FGF12: variants seen among roughly 807,000 people sequenced by gnomAD.
The protein encoded by FGF12 is fibroblast growth factor 12B.
FGF12 carries 14 observed loss-of-function variants against 23.6 expected under a neutral mutation model. That is an observed-to-expected ratio of 0.59 (90% CI 0.39 to 0.93). The LOEUF (loss-of-function observed/expected upper bound fraction) is 0.93. Among genes scored for constraint, FGF12 ranks in the 40% least tolerant of loss-of-function variants. The pLI, the probability that FGF12 is intolerant of heterozygous loss-of-function variation, is 0.00. For missense variants in FGF12, 175 were observed against 217.8 expected (o/e 0.80, Z 1.24); for synonymous variants, 62 against 77.3 (o/e 0.80, Z 1.04).
intron 2 of FGF12, among the ~76,000 whole-genome samples, chr3:192,574,057 T>C (rs1712769738): frequency 6.6e-6 from 1 of 152,226 alleles, no homozygotes; most frequent in South Asian, 2.1e-4. Flanking sequence ...CCTGTCCAGA[T>C]TAAACATTAT....
At chr3:192,537,686 G>T (rs1725258485) in intron 2 of FGF12, among the ~76,000 whole-genome samples, 1 of 152,108 alleles carries the variant, frequency 6.6e-6, no homozygotes, top group Admixed American at 6.5e-5. Flanking sequence ...CATATATTCT[G>T]GTTATTGATT....
In FGF12 at chr3:192,194,241, A is replaced by G. The variant is rs1228056044; in HGVS notation, c.229-23585T>C. The stretch of plus-strand genomic sequence containing the variant: ...TATGCTTATCTTGTGGTCTGCCCAA[A>G]TTGTTAAAGCTTGTGCCTCAAAGTA... On this transcript the variant is annotated intron_variant, in intron 4 of 5. Coordinates refer to ENST00000445105, the MANE Select transcript of FGF12 (RefSeq NM_004113.6). Among the ~76,000 whole-genome samples the G allele has an allele frequency of 3.3e-5, 5 of 152,182 alleles. No individual in the cohort carries two copies. The East Asian group carries it at 9.6e-4, about 29-fold the overall frequency.
intron 2 of FGF12, among the ~76,000 whole-genome samples, chr3:192,474,672 G>A (rs11928729): frequency 0.024 from 3,612 of 152,194 alleles, 125 homozygotes; most frequent in African/African-American, 0.081. Flanking sequence ...GATCACCTGA[G>A]GTCAGGAGTT....
At chr3:192,522,197 CAAA>C (rs369925460) in intron 2 of FGF12, among the ~76,000 whole-genome samples, 1 of 140,896 alleles carries the variant, frequency 7.1e-6, no homozygotes, top group Non-Finnish European at 1.5e-5. Context: ...GACTCCGTCT[CAAA>C]AAAAAAAAAA....
intron 2 of FGF12, among the ~76,000 whole-genome samples, chr3:192,522,893 A>T (rs561158567): frequency 6.6e-6 from 1 of 152,246 alleles, no homozygotes; most frequent in African/African-American, 2.4e-5. Flanking sequence ...AAACTCATGG[A>T]CTCTTTCTGA....
intron 4 of FGF12, among the ~76,000 whole-genome samples, chr3:192,321,459 G>C (rs749564067): frequency 1.4e-5 from 2 of 146,214 alleles, no homozygotes; most frequent in Admixed American, 1.4e-4. Flanking sequence ...TGTGAGGCCA[G>C]TACTACCCCT....
At chr3:192,429,766 G>A (rs1286690407) in intron 2 of FGF12, among the ~76,000 whole-genome samples, 1 of 149,884 alleles carries the variant, frequency 6.7e-6, no homozygotes, top group Non-Finnish European at 1.5e-5. Context: ...TTATAGATTT[G>A]AGAAGATATC....
intron 2 of FGF12, among the ~76,000 whole-genome samples, chr3:192,678,308 G>T (rs1222570139): frequency 6.6e-6 from 1 of 152,202 alleles, no homozygotes; most frequent in East Asian, 1.9e-4. Context: ...GGCAGATACA[G>T]AATGTGAAGC....
At chr3:192,215,761 T>C (rs1718163637) in intron 4 of FGF12, among the ~76,000 whole-genome samples, 1 of 152,218 alleles carries the variant, frequency 6.6e-6, no homozygotes, top group Admixed American at 6.5e-5. Flanking sequence ...TGCCAATCTT[T>C]TACTGGTGGT....
intron 4 of FGF12, among the ~76,000 whole-genome samples, chr3:192,248,202 A>G (rs1356762762): frequency 6.6e-6 from 1 of 152,222 alleles, no homozygotes; most frequent in African/African-American, 2.4e-5. Flanking sequence ...GCAAATTAAT[A>G]AAACAGCCAT....
chr3:192,678,775 C>T (rs760305161), intron 2 of FGF12, among the ~76,000 whole-genome samples: 7 of 152,156 alleles, frequency 4.6e-5, no homozygotes, highest in Non-Finnish European at 7.4e-5. Context: ...CCAGGGCCTT[C>T]CTGAGAGCCA....
At chr3:192,241,633 G>C (rs969788990) in intron 4 of FGF12, among the ~76,000 whole-genome samples, 1 of 151,862 alleles carries the variant, frequency 6.6e-6, no homozygotes, top group Non-Finnish European at 1.5e-5. Context: ...CTCCAAAGTA[G>C]GTAAAAAGGA....
At chr3:192,645,529 C>A (rs1034680003) in intron 2 of FGF12, among the ~76,000 whole-genome samples, 10 of 151,768 alleles carry the variant, frequency 6.6e-5, no homozygotes, top group South Asian at 2.1e-4. Flanking sequence ...ATAATGAGTC[C>A]AGTTTCAGAA....
At chr3:192,187,869 G>T (rs895611825) in intron 4 of FGF12, among the ~76,000 whole-genome samples, 6 of 152,164 alleles carry the variant, frequency 3.9e-5, no homozygotes. Flanking sequence ...AAGGAAGAAA[G>T]AATAGTAAGT....
chr3:192,500,566 C>A (rs1299799370), intron 2 of FGF12, among the ~76,000 whole-genome samples: 1 of 152,208 alleles, frequency 6.6e-6, no homozygotes, highest in Non-Finnish European at 1.5e-5. Context: ...CTTTCTGCTT[C>A]ATTTACTGCC....
Position 192,421,110 on chromosome 3 carries a change from T to C in FGF12, c.14-60572A>G, listed in dbSNP as rs149250147. Reference sequence around the variant, plus strand: ...AAAAGGCAACCATCCCATTTCCTGCTTGACAATGTTTAACTGACTCCATGC... The same window carrying C: ...AAAAGGCAACCATCCCATTTCCTGCCTGACAATGTTTAACTGACTCCATGC... On this transcript the variant is annotated intron_variant, in intron 2 of 5. Coordinates refer to ENST00000445105, the MANE Select transcript of FGF12 (RefSeq NM_004113.6). Among the ~76,000 whole-genome samples the C allele has an allele frequency of 7.3e-3, 1,108 of 152,282 alleles. 18 individuals are homozygous for C. Among genetic ancestry groups the C allele is most frequent in the African/African-American group, 0.024 (1,011 of 41,562 alleles).
chr3:192,378,066 C>G (rs1719629574), intron 2 of FGF12, among the ~76,000 whole-genome samples: 1 of 120,908 alleles, frequency 8.3e-6, no homozygotes, highest in African/African-American at 3.8e-5. Context: ...TTCTTTCTTT[C>G]TTTCTTTCTT....
At chr3:192,481,879 A>G (rs1051236525) in intron 2 of FGF12, among the ~76,000 whole-genome samples, 1 of 152,206 alleles carries the variant, frequency 6.6e-6, no homozygotes, top group African/African-American at 2.4e-5. Context: ...GTATTGCTCA[A>G]TTGTTCACAG....
intron 2 of FGF12, among the ~76,000 whole-genome samples, chr3:192,474,321 T>G (rs1042382033): frequency 6.6e-6 from 1 of 152,212 alleles, no homozygotes; most frequent in East Asian, 1.9e-4. Flanking sequence ...GGAACAACAC[T>G]CATCTCATTT....
Sources: gnomAD v4.1 joint callset for allele counts (sites outside exome capture counted in the v4.1 genomes callset) on GRCh38, gnomAD v4.1.1 for gene constraint, MANE v1.5 for transcripts, NCBI Gene and HGNC (gene_info 2026-07-23, HGNC 2026-07-21) for gene names.